ANKS1A: variants seen among roughly 807,000 people sequenced by gnomAD.
ANKS1A encodes the protein ankyrin repeat and SAM domain-containing protein 1A.
ANKS1A carries 55 observed loss-of-function variants against 120.3 expected under a neutral mutation model. The ratio of observed to expected loss-of-function variants is 0.46; its 90% CI spans 0.37 to 0.57. The LOEUF (loss-of-function observed/expected upper bound fraction) is 0.57. ANKS1A is among the 20% of genes least tolerant of loss of function. The probability of loss-of-function intolerance (pLI) is 0.00; values close to 1 mark genes in which losing one functional copy is unlikely to be tolerated. For missense variants in ANKS1A, 1,123 were observed against 1,480.3 expected (o/e 0.76, Z 3.96); for synonymous variants, 590 against 604.7 (o/e 0.98, Z 0.36).
chr6:34,984,686 C>T (rs892443417), intron 7 of ANKS1A, among the ~76,000 whole-genome samples: 47 of 152,068 alleles, frequency 3.1e-4, no homozygotes, highest in African/African-American at 1.0e-3. Context: ...AAGCCTTTGC[C>T]GTCCTCTATT....
At chr6:34,936,190 G>A (rs893320559) in intron 1 of ANKS1A, among the ~76,000 whole-genome samples, 4 of 152,084 alleles carry the variant, frequency 2.6e-5, no homozygotes, top group African/African-American at 4.8e-5. Flanking sequence ...CTGATCTGTA[G>A]TGTGCATTGA....
chr6:35,057,220 A>G lies in ANKS1A; in HGVS notation c.2078-2927A>G, dbSNP rs1776266052. On this transcript the variant is annotated intron_variant, in intron 12 of 23. Coordinates refer to ENST00000360359, the MANE Select transcript of ANKS1A (RefSeq NM_015245.3). The surrounding 1 kb of genome is among the most constrained non-coding windows in gnomAD (Gnocchi z 4.1). Reference sequence around the variant, plus strand: ...TGGGCTGCCACCACTGGAGCTAGTTAGCTGAATCGCCAACAGAAGCGTTTA... The same window carrying G: ...TGGGCTGCCACCACTGGAGCTAGTTGGCTGAATCGCCAACAGAAGCGTTTA... Among the ~76,000 whole-genome samples, 1 of 152,078 alleles carries G rather than the reference A, an allele frequency of 6.6e-6. No homozygotes were observed. Among genetic ancestry groups the G allele is most frequent in the Admixed American group, 6.5e-5 (1 of 15,290 alleles).
At position 35,079,681 on chromosome 6, in the gene ANKS1A, T is replaced by G; in HGVS notation, c.2436+13T>G. 1 of 1,614,068 alleles carries G rather than the reference T, an allele frequency of 6.2e-7. No homozygotes were observed. Among genetic ancestry groups the G allele is most frequent in the Non-Finnish European group, 8.5e-7 (1 of 1,179,988 alleles). ...AGAGCTCGTCAATGTGAGTAGTCCC[T>G]GCGTGGCCCGGCCTGGACTCTCCAG... is the stretch of plus-strand genomic sequence containing the variant. On this transcript the variant is annotated intron_variant, in intron 15 of 23. Transcript: ENST00000360359.
Position 35,089,524 on chromosome 6 carries a change from T to C in ANKS1A, c.*915T>C, listed in dbSNP as rs1581771618. 1 of 986,542 alleles carries C rather than the reference T, an allele frequency of 1.0e-6. No individual in the cohort carries two copies. The highest frequency in any genetic ancestry group is 4.7e-5 in the South Asian group (1 of 21,318). The allele number at this position is 986,542 out of a possible 1,614,324, so 61.1% of individuals were successfully genotyped here. ...GCTAAGGTTGCTACTTGCCAATTTG[T>C]GATTTGTCTAATCAGCCTGTGTGAT... On this transcript the variant is annotated 3_prime_UTR_variant, in exon 24 of 24. Transcript: ENST00000360359.
At position 35,085,684 on chromosome 6, in the gene ANKS1A, C is replaced by A; in HGVS notation, c.3133-82C>A. The A allele has an allele frequency of 7.0e-7, 1 of 1,425,468 alleles. No homozygotes were observed. Among genetic ancestry groups the A allele is most frequent in the Middle Eastern group, 1.8e-4 (1 of 5,430 alleles). 88.3% of individuals were successfully genotyped at this position (1,425,468 alleles called of 1,614,324 possible). ...TCCCGGGTAGACTTAGAGGGGGACA[C>A]ATGGTCCCTGCGAGGAAGGGCATAT... is the stretch of plus-strand genomic sequence containing the variant. On this transcript the variant is annotated intron_variant, in intron 21 of 23. Coordinates refer to ENST00000360359, the MANE Select transcript of ANKS1A (RefSeq NM_015245.3). The surrounding 1 kb of genome is among the most constrained non-coding windows in gnomAD (Gnocchi z 4.7).
At chr6:34,996,321 A>T (rs1463132237) in intron 10 of ANKS1A, among the ~76,000 whole-genome samples, 2 of 152,148 alleles carry the variant, frequency 1.3e-5, no homozygotes, top group Non-Finnish European at 2.9e-5. Context: ...TTCTTTATAT[A>T]TTTTACATAC....
chr6:35,035,352 C>T (rs1194979065), intron 11 of ANKS1A, among the ~76,000 whole-genome samples: 1 of 152,124 alleles, frequency 6.6e-6, no homozygotes. Context: ...GTGTGCTTCA[C>T]TGTTTGGCTT....
intron 1 of ANKS1A, among the ~76,000 whole-genome samples, chr6:34,965,045 G>T (rs1239468868): frequency 6.6e-6 from 1 of 152,038 alleles, no homozygotes; most frequent in Non-Finnish European, 1.5e-5. Flanking sequence ...AATTTTCTTG[G>T]TGTGAATCTG....
At chr6:34,923,395 CTGACCATGTCTAA>C (rs1768539189) in intron 1 of ANKS1A, among the ~76,000 whole-genome samples, 1 of 152,182 alleles carries the variant, frequency 6.6e-6, no homozygotes, top group Non-Finnish European at 1.5e-5. Context: ...GAACCCGGTT[CTGACCATGTCTAA>C]AGTCAACGGA....
Position 34,981,848 on chromosome 6 carries a change from G to C in ANKS1A, c.594G>C (p.Val198=). ...LAALYGRLEV[V]KMLLNAHPNL... is the part of the protein sequence containing the mutation. ...CACTGTACGGGCGACTGGAGGTGGT[G>C]AAAATGCTCCTTAATGCACACCCCA... Residue 198 remains valine, a synonymous_variant, in exon 4 of 24, where the codon GTG becomes GTC. Transcript: ENST00000360359. 6.2e-7 allele frequency: 1 copy of C among 1,614,152 alleles called. No individual in the cohort carries two copies. Among genetic ancestry groups the C allele is most frequent in the Non-Finnish European group, 8.5e-7 (1 of 1,180,022 alleles).
rs2127526883 is a variant in ANKS1A, at chr6:34,982,027, C to G, written c.732+41C>G. 6.2e-7 allele frequency: 1 copy of G among 1,601,862 alleles called. No homozygotes were observed. The highest frequency in any genetic ancestry group is 8.5e-7 in the Non-Finnish European group (1 of 1,173,322). On this transcript the variant is annotated intron_variant, in intron 4 of 23. Transcript: ENST00000360359. The surrounding 1 kb of genome is among the most constrained non-coding windows in gnomAD (Gnocchi z 4.9). ...GGGGCTCCTCCAATCTCAAGAGACT[C>G]AGTCATTTTGCAGAAGGCACAAGGA...
chr6:35,065,929 C>A (rs1420429044), intron 13 of ANKS1A, among the ~76,000 whole-genome samples: 2 of 152,198 alleles, frequency 1.3e-5, no homozygotes, highest in Non-Finnish European at 2.9e-5. Context: ...TCCTCCCCAC[C>A]CTGCTCTCTA....
intron 10 of ANKS1A, among the ~76,000 whole-genome samples, chr6:35,014,280 T>C (rs1369976208): frequency 6.6e-6 from 1 of 152,202 alleles, no homozygotes; most frequent in Non-Finnish European, 1.5e-5. Context: ...GATACCAAAG[T>C]GTCTTTCTTA....
intron 11 of ANKS1A, among the ~76,000 whole-genome samples, chr6:35,051,306 G>C (rs1028328715): frequency 6.6e-6 from 1 of 152,204 alleles, no homozygotes; most frequent in African/African-American, 2.4e-5. Flanking sequence ...AAGCAGCGAG[G>C]GTGCTCAACT....
At position 35,090,163 on chromosome 6, in the gene ANKS1A, A is replaced by G. The variant is rs752661754; in HGVS notation, c.*1554A>G. 9.3e-6 allele frequency: 12 copies of G among 1,289,268 alleles called. No homozygotes were observed. The African/African-American group carries it at 1.4e-4, about 15-fold the overall frequency. The allele number at this position is 1,289,268 out of a possible 1,614,324, so 79.9% of individuals were successfully genotyped here. On this transcript the variant is annotated 3_prime_UTR_variant, in exon 24 of 24. Transcript: ENST00000360359. ...CTGCGGTAGAGGCAGGCCCTCCTCC[A>G]CTTCTTGGTACTAAACGAAGATCTC...
intron 1 of ANKS1A, among the ~76,000 whole-genome samples, chr6:34,894,706 C>A (rs533952261): frequency 1.3e-5 from 2 of 152,148 alleles, no homozygotes; most frequent in South Asian, 2.1e-4. Context: ...ACAATAGCTT[C>A]AAACTGTAAA....
At chr6:35,074,431 C>T (rs886428128) in intron 13 of ANKS1A, among the ~76,000 whole-genome samples, 4 of 150,808 alleles carry the variant, frequency 2.7e-5, no homozygotes, top group Admixed American at 2.6e-4. Flanking sequence ...GAGACCCCAT[C>T]TCTACAAAAA....
intron 13 of ANKS1A, among the ~76,000 whole-genome samples, chr6:35,076,775 G>C (rs564375112): frequency 3.9e-5 from 6 of 151,968 alleles, no homozygotes; most frequent in Admixed American, 3.3e-4. Flanking sequence ...GATTACAGGC[G>C]CCTGCCACCA....
rs762686868 is a variant in ANKS1A at position 35,088,722 on chromosome 6, G to A, written c.*113G>A. The A allele has an allele frequency of 1.1e-5, 17 of 1,607,626 alleles. No individual in the cohort carries two copies. Among genetic ancestry groups the A allele is most frequent in the East Asian group, 2.2e-5 (1 of 44,526 alleles). ...CTCTGAAGACCCAGGCCTCACCTCCGCCTGCAGGACCTCCTCTTGGCCACT... is the reference window on the plus strand; with the variant it reads ...CTCTGAAGACCCAGGCCTCACCTCCACCTGCAGGACCTCCTCTTGGCCACT... On this transcript the variant is annotated 3_prime_UTR_variant, in exon 24 of 24. Transcript: ENST00000360359.
Sources: gnomAD v4.1 joint callset for allele counts (sites outside exome capture counted in the v4.1 genomes callset) on GRCh38, gnomAD v4.1.1 for gene constraint, Gnocchi (gnomAD v3.1) non-coding constraint, MANE v1.5 for transcripts, NCBI Gene and HGNC (gene_info 2026-07-23, HGNC 2026-07-21) for gene names.